Variants in B3GALT1 observed in about 807,000 individuals in gnomAD.
The protein encoded by B3GALT1 is beta-1,3-galactosyltransferase 1.
In B3GALT1, 10 loss-of-function variants were observed where a neutral mutation model predicts 23.2. That is an observed-to-expected ratio of 0.43 (90% CI 0.27 to 0.73). The LOEUF (loss-of-function observed/expected upper bound fraction) is 0.73, where lower values mean the gene tolerates loss of function less well. B3GALT1 is among the 30% of genes least tolerant of loss of function. The pLI is 0.21. For missense variants in B3GALT1, 299 were observed against 405.4 expected, an observed-to-expected ratio of 0.74 and a Z score of 2.25; for synonymous variants, 156 against 141.5, an observed-to-expected ratio of 1.10 and a Z score of -0.73.
chr2:167,800,783 G>C (rs544474180), intron 3 of B3GALT1, among the ~76,000 whole-genome samples: 5 of 152,306 alleles, frequency 3.3e-5, no homozygotes, highest in African/African-American at 1.2e-4. Flanking sequence ...CTTGTTGTCT[G>C]AATAAGACCA....
chr2:167,546,059 A>G (rs895378855), intron 2 of B3GALT1, among the ~76,000 whole-genome samples: 5 of 152,160 alleles, frequency 3.3e-5, no homozygotes, highest in Non-Finnish European at 7.4e-5. Flanking sequence ...GTGGCATCAT[A>G]TTGGTGCTCA....
At chr2:167,518,226 A>G (rs1419865931) in intron 2 of B3GALT1, among the ~76,000 whole-genome samples, 3 of 152,118 alleles carry the variant, frequency 2.0e-5, no homozygotes, top group Non-Finnish European at 2.9e-5. Context: ...TTGTAATCTC[A>G]TTAGCACCAT....
intron 1 of B3GALT1, among the ~76,000 whole-genome samples, chr2:167,472,909 C>T (rs896064093): frequency 5.3e-5 from 8 of 152,190 alleles, no homozygotes; most frequent in South Asian, 4.1e-4. Flanking sequence ...GAAGTCTAAA[C>T]GTCCTTCTGA....
intron 2 of B3GALT1, among the ~76,000 whole-genome samples, chr2:167,626,456 G>T (rs1685348200): frequency 6.6e-6 from 1 of 151,658 alleles, no homozygotes; most frequent in African/African-American, 2.4e-5. Flanking sequence ...ATGATTCCAT[G>T]TCAAGAATTT....
At chr2:167,594,036 T>G (rs1447543188) in intron 2 of B3GALT1, among the ~76,000 whole-genome samples, 1 of 152,220 alleles carries the variant, frequency 6.6e-6, no homozygotes, top group Non-Finnish European at 1.5e-5. Flanking sequence ...TCTATACATT[T>G]ATAAGGTGAA....
At chr2:167,849,889 C>CAAA (rs34125080) in intron 4 of B3GALT1, among the ~76,000 whole-genome samples, 8 of 71,402 alleles carry the variant, frequency 1.1e-4, no homozygotes, top group African/African-American at 3.8e-4. Flanking sequence ...GACTCTGTCT[C>CAAA]AAAAAAAAAA....
chr2:167,843,753 T>G (rs555912447), intron 4 of B3GALT1, among the ~76,000 whole-genome samples: 1 of 152,338 alleles, frequency 6.6e-6, no homozygotes, highest in East Asian at 1.9e-4. Flanking sequence ...TTGCCTGTAT[T>G]GTTCCTCTGA....
intron 3 of B3GALT1, among the ~76,000 whole-genome samples, chr2:167,734,956 T>G (rs1419752736): frequency 2.0e-5 from 3 of 152,214 alleles, no homozygotes; most frequent in African/African-American, 7.2e-5. Flanking sequence ...ATATGTTCAG[T>G]CTTTTATTTC....
intron 3 of B3GALT1, chr2:167,715,138 G>A (rs12994025): frequency 1.2e-6 from 2 of 1,613,704 alleles, no homozygotes; most frequent in Non-Finnish European, 1.7e-6. Flanking sequence ...AAGCTCCTTT[G>A]GGAGGATCAT....
At chr2:167,712,178 T>TG (rs1279162184) in intron 3 of B3GALT1, among the ~76,000 whole-genome samples, 1 of 152,116 alleles carries the variant, frequency 6.6e-6, no homozygotes, top group Non-Finnish European at 1.5e-5. Flanking sequence ...AATGGAGCAG[T>TG]GGGAAAAAAG....
chr2:167,494,626 G>T (rs1163322009), intron 2 of B3GALT1, among the ~76,000 whole-genome samples: 1 of 152,078 alleles, frequency 6.6e-6, no homozygotes, highest in Non-Finnish European at 1.5e-5. Flanking sequence ...GATATTTTAT[G>T]GTACTCACAA....
At chr2:167,372,321 AC>A (rs992320648) in intron 1 of B3GALT1, among the ~76,000 whole-genome samples, 21 of 152,244 alleles carry the variant, frequency 1.4e-4, no homozygotes, top group African/African-American at 4.8e-4. Context: ...ATTTCATAAA[AC>A]TGTCAGAAAA....
chr2:167,842,141 C>G (rs1025097125), intron 4 of B3GALT1, among the ~76,000 whole-genome samples: 26 of 152,132 alleles, frequency 1.7e-4, no homozygotes, highest in African/African-American at 6.0e-4. Context: ...ATCATATCTT[C>G]CAGACAATAA....
intron 1 of B3GALT1, among the ~76,000 whole-genome samples, chr2:167,425,739 C>T (rs1698613340): frequency 6.6e-6 from 1 of 151,978 alleles, no homozygotes; most frequent in Non-Finnish European, 1.5e-5. Context: ...ATATGTGTAC[C>T]TGAATATCAG....
intron 2 of B3GALT1, among the ~76,000 whole-genome samples, chr2:167,586,432 C>T (rs558527541): frequency 6.0e-4 from 92 of 152,150 alleles, no homozygotes; most frequent in South Asian, 1.9e-3. Flanking sequence ...CCCGAGTAGC[C>T]GGGACTACAG....
chr2:167,296,832 G>T (rs1334711582), intron 1 of B3GALT1, among the ~76,000 whole-genome samples: 1 of 152,054 alleles, frequency 6.6e-6, no homozygotes, highest in African/African-American at 2.4e-5. Context: ...CTATTGGGGT[G>T]CAATAGATCA....
In B3GALT1 at chr2:167,417,081, A is replaced by G. The variant is rs544860694; in HGVS notation, c.-510-73096A>G. On this transcript the variant is annotated intron_variant, in intron 1 of 4. Transcript: ENST00000392690. ...ATGAATATATTTATGTGTTAGAAGG[A>G]CATGCATTTTGGGAGGCCAGGGGTG... is the stretch of plus-strand genomic sequence containing the variant. 7.2e-5 allele frequency among the ~76,000 whole-genome samples: 11 copies of G among 152,218 alleles called. No homozygotes were observed. In the South Asian group the frequency reaches 2.1e-3, roughly 29 times the overall value.
At chr2:167,582,711 G>A (rs1031125792) in intron 2 of B3GALT1, among the ~76,000 whole-genome samples, 7 of 152,138 alleles carry the variant, frequency 4.6e-5, no homozygotes, top group Admixed American at 1.3e-4. Flanking sequence ...GCTGGTCCCT[G>A]AGTCTGTGCT....
At chr2:167,494,528 C>A (rs1699751499) in intron 2 of B3GALT1, among the ~76,000 whole-genome samples, 1 of 152,026 alleles carries the variant, frequency 6.6e-6, no homozygotes, top group Non-Finnish European at 1.5e-5. Flanking sequence ...AAATGAGACT[C>A]TATAACTGTA....
Sources: gnomAD v4.1 joint callset for allele counts (sites outside exome capture counted in the v4.1 genomes callset) on GRCh38, gnomAD v4.1.1 for gene constraint, MANE v1.5 for transcripts, NCBI Gene and HGNC (gene_info 2026-07-23, HGNC 2026-07-21) for gene names.